The following CRACD variants were observed in gnomAD, a reference collection of about 807,000 sequenced individuals.
The protein encoded by CRACD is capping protein inhibiting regulator of actin dynamics, also known as capping protein-inhibiting regulator of actin dynamics.
A neutral mutation model predicts 106.8 loss-of-function variants in CRACD; 56 were observed. The ratio of observed to expected loss-of-function variants is 0.52; its 90% CI spans 0.42 to 0.66. The LOEUF is 0.66. Among genes scored for constraint, CRACD ranks in the 30% least tolerant of loss-of-function variants. The pLI is 0.00. For synonymous variants in CRACD, 754 were observed against 670.8 expected (o/e 1.12, Z -1.92); for missense variants, 1,730 against 1,623.2 (o/e 1.07, Z -1.13).
At chr4:56,300,500 G>T (rs923615328) in intron 4 of CRACD, among the ~76,000 whole-genome samples, 1 of 152,168 alleles carries the variant, frequency 6.6e-6, no homozygotes, top group African/African-American at 2.4e-5. Context: ...GAAGAAGAGG[G>T]AAGTATGGTG....
chr4:56,137,057 G>C (rs146574897), intron 1 of CRACD, among the ~76,000 whole-genome samples: 5 of 152,204 alleles, frequency 3.3e-5, no homozygotes, highest in African/African-American at 4.8e-5. Flanking sequence ...GGGATTTTTT[G>C]TTCTGTTTCA....
At position 56,070,025 on chromosome 4, in the gene CRACD, G is replaced by GGA. The variant is rs573716426; in HGVS notation, c.-336+20730_-336+20731dup. On this transcript the variant is annotated intron_variant, in intron 1 of 10. Transcript: ENST00000682029. Reference sequence around the variant, plus strand: ...ATTTTCAATGTGGAGATAAGGAAACGGAGAGTCAGATGTTTTGGAGCCAAC... The same window carrying GGA: ...ATTTTCAATGTGGAGATAAGGAAACGGAGAGAGTCAGATGTTTTGGAGCCAAC... 3.9e-5 allele frequency among the ~76,000 whole-genome samples: 6 copies of GGA among 152,278 alleles called. No homozygotes were observed. In the South Asian group the frequency reaches 1.2e-3, roughly 32 times the overall value.
At chr4:56,271,365 G>T (rs1433036089) in intron 2 of CRACD, among the ~76,000 whole-genome samples, 1 of 152,120 alleles carries the variant, frequency 6.6e-6, no homozygotes, top group Non-Finnish European at 1.5e-5. Flanking sequence ...AGTAATATAT[G>T]GGAAGATGTT....
chr4:56,056,997 TGTTGATTACAC>T (rs2109780744), intron 1 of CRACD, among the ~76,000 whole-genome samples: 1 of 152,372 alleles, frequency 6.6e-6, no homozygotes, highest in East Asian at 1.9e-4. Flanking sequence ...AGTTTTTTAA[TGTTGATTACAC>T]GTTGAAGTAA....
chr4:56,311,957 A>C (rs745555881), intron 6 of CRACD, among the ~76,000 whole-genome samples: 2 of 151,828 alleles, frequency 1.3e-5, no homozygotes, highest in African/African-American at 4.8e-5. Context: ...GATCTTTCCA[A>C]ATCTACCCTT....
chr4:56,063,259 T>A (rs116309157), intron 1 of CRACD, among the ~76,000 whole-genome samples: 1,912 of 152,226 alleles, frequency 0.013, 38 homozygotes, highest in African/African-American at 0.044. Flanking sequence ...AGTGGTGCGA[T>A]CATGGCTTAC....
intron 1 of CRACD, among the ~76,000 whole-genome samples, chr4:56,136,538 G>A (rs988309243): frequency 6.6e-5 from 10 of 152,224 alleles, no homozygotes; most frequent in Non-Finnish European, 1.3e-4. Flanking sequence ...TCGTGTACTT[G>A]TGTGTTGTAT....
At chr4:56,216,023 G>A (rs1185410974) in intron 2 of CRACD, 1 of 152,250 alleles carries the variant, frequency 6.6e-6, no homozygotes, top group African/African-American at 2.4e-5. Context: ...AGTAGCCCTT[G>A]CTCTTGGTTC....
At chr4:56,208,978 C>G (rs2109487936) in intron 2 of CRACD, among the ~76,000 whole-genome samples, 1 of 152,258 alleles carries the variant, frequency 6.6e-6, no homozygotes, top group African/African-American at 2.4e-5. Context: ...CTGTCTCTCT[C>G]TCTCTTTTTT....
intron 1 of CRACD, among the ~76,000 whole-genome samples, chr4:56,163,853 C>T (rs1736045408): frequency 6.6e-6 from 1 of 152,066 alleles, no homozygotes; most frequent in Non-Finnish European, 1.5e-5. Context: ...TCAAATGATT[C>T]TCATGCCTCA....
chr4:56,294,936 T>TAAAAA (rs1743917168), intron 3 of CRACD, among the ~76,000 whole-genome samples: 1 of 85,626 alleles, frequency 1.2e-5, no homozygotes, highest in East Asian at 3.1e-4. Context: ...AAAAAAAAAG[T>TAAAAA]AAAAAGAAAA....
chr4:56,262,222 T>C (rs532453066), intron 2 of CRACD, among the ~76,000 whole-genome samples: 1 of 152,340 alleles, frequency 6.6e-6, no homozygotes, highest in African/African-American at 2.4e-5. Flanking sequence ...AGGAGAGTCA[T>C]CTGAAATTGG....
At chr4:56,158,694 A>AG (rs1335865044) in intron 1 of CRACD, among the ~76,000 whole-genome samples, 1 of 152,226 alleles carries the variant, frequency 6.6e-6, no homozygotes, top group East Asian at 1.9e-4. Context: ...GTGTGTCACA[A>AG]GGTGACAGCA....
intron 2 of CRACD, among the ~76,000 whole-genome samples, chr4:56,200,536 A>G (rs1327754453): frequency 6.6e-6 from 1 of 152,204 alleles, no homozygotes; most frequent in Non-Finnish European, 1.5e-5. Context: ...TGCTTTAAGA[A>G]GCCACTTTCA....
chr4:56,072,052 C>T (rs375151944), intron 1 of CRACD, among the ~76,000 whole-genome samples: 3 of 148,704 alleles, frequency 2.0e-5, no homozygotes, highest in Admixed American at 6.8e-5. Context: ...GGCGTGAACC[C>T]GGGAGGCGGA....
At chr4:56,236,172 G>A (rs1739958004) in intron 2 of CRACD, among the ~76,000 whole-genome samples, 1 of 152,256 alleles carries the variant, frequency 6.6e-6, no homozygotes, top group Middle Eastern at 3.4e-3. Flanking sequence ...GTCCTTAAAA[G>A]GGGGACTTTG....
At chr4:56,225,658 A>G (rs2109522593) in intron 2 of CRACD, among the ~76,000 whole-genome samples, 1 of 152,320 alleles carries the variant, frequency 6.6e-6, no homozygotes, top group Non-Finnish European at 1.5e-5. Context: ...AAAAAATCAT[A>G]CAGCTTAATT....
At position 56,198,266 on chromosome 4, in the gene CRACD, T is replaced by C. The variant is rs544611415; in HGVS notation, c.-189+18836T>C. The stretch of plus-strand genomic sequence containing the variant: ...ATCATTTCTTTGAAATATAAGAAAA[T>C]GTGCAGCCCATTGACCATGAACTTC... On this transcript the variant is annotated intron_variant, in intron 2 of 10. Transcript: ENST00000682029. Among the ~76,000 whole-genome samples, 3 of 152,242 alleles carry C rather than the reference T, an allele frequency of 2.0e-5. No homozygotes were observed. In the South Asian group the frequency reaches 6.2e-4, roughly 32 times the overall value.
chr4:56,269,965 C>CT (rs560181854), intron 2 of CRACD, among the ~76,000 whole-genome samples: 26 of 152,220 alleles, frequency 1.7e-4, no homozygotes, highest in South Asian at 1.0e-3. Flanking sequence ...TAATTTAACT[C>CT]TTTTTTGTAC....
Sources: gnomAD v4.1 joint callset for allele counts (sites outside exome capture counted in the v4.1 genomes callset) on GRCh38, gnomAD v4.1.1 for gene constraint, MANE v1.5 for transcripts, NCBI Gene and HGNC (gene_info 2026-07-23, HGNC 2026-07-21) for gene names.